Variants in PCNX1 observed in about 807,000 individuals in gnomAD.
The protein encoded by PCNX1 is pecanex 1, also known as pecanex-like protein 1.
A neutral mutation model predicts 242.2 loss-of-function variants in PCNX1; 78 were observed. That is an observed-to-expected ratio of 0.32 (90% CI 0.27 to 0.39). PCNX1 has a LOEUF of 0.39. Ranked by LOEUF, PCNX1 falls within the 10% of genes least tolerant of loss-of-function variation. The pLI is 1.00. For synonymous variants in PCNX1, 1,024 were observed against 1,032.9 expected, an observed-to-expected ratio of 0.99 and a Z score of 0.17; for missense variants, 2,581 against 2,856.5, an observed-to-expected ratio of 0.90 and a Z score of 2.20.
intron 28 of PCNX1, among the ~76,000 whole-genome samples, chr14:71,082,785 G>T (rs1324045339): frequency 6.6e-6 from 1 of 152,090 alleles, no homozygotes; most frequent in Non-Finnish European, 1.5e-5. Context: ...ACACCGATGA[G>T]TCTTGGCTCT....
At chr14:71,054,467 G>A (rs979723228) in intron 24 of PCNX1, among the ~76,000 whole-genome samples, 12 of 152,184 alleles carry the variant, frequency 7.9e-5, no homozygotes, top group African/African-American at 2.4e-4. Flanking sequence ...GTAGATAGGA[G>A]TTTCCCAAAT....
intron 8 of PCNX1, among the ~76,000 whole-genome samples, chr14:71,003,010 A>G (rs560148879): frequency 6.6e-6 from 1 of 151,080 alleles, no homozygotes; most frequent in African/African-American, 2.4e-5. Flanking sequence ...GGCCACATAC[A>G]TATATATCTT....
intron 1 of PCNX1, among the ~76,000 whole-genome samples, chr14:70,930,850 T>C (rs2056769801): frequency 6.6e-6 from 1 of 152,034 alleles, no homozygotes; most frequent in African/African-American, 2.4e-5. Context: ...CCTCTGCAGC[T>C]CCATCCTCTG....
chr14:70,991,776 C>A (rs758782794), intron 7 of PCNX1, among the ~76,000 whole-genome samples: 1 of 152,090 alleles, frequency 6.6e-6, no homozygotes, highest in Non-Finnish European at 1.5e-5. Context: ...GAATAGTAAT[C>A]TCGTCTTTAA....
rs1158933693 is a variant in PCNX1, at chr14:71,053,261, TTTTTC to T, written c.4577+1264_4577+1268del. ...ATTTAGAACCCCTTTATACTCTTTT[TTTTTC>T]TTTTCTTTTCTTTTTCTTTTTTTGA... is the stretch of plus-strand genomic sequence containing the variant. On this transcript the variant is annotated intron_variant, in intron 24 of 35. Transcript: ENST00000304743. 1.5e-5 allele frequency: 7 copies of T among 452,998 alleles called. No individual in the cohort carries two copies. The East Asian group carries it at 2.8e-4, about 18-fold the overall frequency. The allele number at this position is 452,998 out of a possible 1,614,324, so 28.1% of individuals were successfully genotyped here.
intron 1 of PCNX1, among the ~76,000 whole-genome samples, chr14:70,918,831 T>TGA (rs941723609): frequency 3.3e-5 from 5 of 152,216 alleles, no homozygotes; most frequent in African/African-American, 9.6e-5. Flanking sequence ...AACAGGGTGT[T>TGA]ACTGTTATCA....
At chr14:71,081,765 A>G in intron 28 of PCNX1, among the ~76,000 whole-genome samples, 1 of 151,854 alleles carries the variant, frequency 6.6e-6, no homozygotes, top group East Asian at 1.9e-4. Context: ...TTTCTTCTTT[A>G]TTAATCTAAC....
rs565831632 is a variant in PCNX1, at chr14:71,108,597, C to T, written c.6302-7C>T. On this transcript the variant is annotated splice_polypyrimidine_tract_variant and splice_region_variant and intron_variant, in intron 33 of 35. Transcript: ENST00000304743. ...CTTTGAGTGAGTGCTGCTGTTTCTC[C>T]TCCTAGGCACTAGCCACAGCTCTCA... The T allele has an allele frequency of 1.9e-5, 30 of 1,595,710 alleles. No individual in the cohort carries two copies. The East Asian group carries it at 5.6e-4, about 30-fold the overall frequency.
rs556085616 is a variant in PCNX1, at chr14:70,912,687, A to G, written c.153+4684A>G. On this transcript the variant is annotated intron_variant, in intron 1 of 35. Coordinates refer to ENST00000304743, the MANE Select transcript of PCNX1 (RefSeq NM_014982.3). ...AGAGGAAAAGACATAAATCTGTGTC[A>G]TTCTTTTAAATATTCTTTAAAGATT... Among the ~76,000 whole-genome samples the G allele has an allele frequency of 3.9e-5, 6 of 152,208 alleles. No homozygotes were observed. The South Asian group carries it at 1.0e-3, about 26-fold the overall frequency.
At chr14:71,080,073 T>G (rs1033406433) in intron 28 of PCNX1, among the ~76,000 whole-genome samples, 3 of 152,216 alleles carry the variant, frequency 2.0e-5, no homozygotes, top group African/African-American at 7.2e-5. Flanking sequence ...GGGGTCCAGT[T>G]TCAGTTTTCT....
chr14:71,025,217 T>C (rs142017060), intron 13 of PCNX1, among the ~76,000 whole-genome samples: 2,160 of 152,342 alleles, frequency 0.014, 24 homozygotes, highest in Middle Eastern at 0.034. Flanking sequence ...TTTTATTCAA[T>C]GGACTATAAT....
intron 5 of PCNX1, chr14:70,970,140 G>T (rs542594004): frequency 1.3e-5 from 2 of 152,198 alleles, no homozygotes; most frequent in South Asian, 4.2e-4. Context: ...CAGGAGGATC[G>T]CTTGAGTCCA....
intron 8 of PCNX1, among the ~76,000 whole-genome samples, chr14:71,006,408 C>CT (rs1204855831): frequency 6.6e-6 from 1 of 151,304 alleles, no homozygotes; most frequent in African/African-American, 2.4e-5. Context: ...TTTTTTTCTC[C>CT]TTAAGTCATG....
intron 2 of PCNX1, among the ~76,000 whole-genome samples, chr14:70,948,896 C>T (rs2057593817): frequency 6.8e-6 from 1 of 146,376 alleles, no homozygotes; most frequent in Non-Finnish European, 1.5e-5. Context: ...TATATACACA[C>T]ATACGTGTAT....
intron 6 of PCNX1, among the ~76,000 whole-genome samples, chr14:70,987,293 AC>A (rs1490735758): frequency 2.0e-5 from 3 of 152,220 alleles, no homozygotes; most frequent in Non-Finnish European, 4.4e-5. Context: ...AGTAATGGTA[AC>A]CACTAGCTAC....
At chr14:71,086,294 G>T (rs1194686151) in intron 28 of PCNX1, among the ~76,000 whole-genome samples, 3 of 152,174 alleles carry the variant, frequency 2.0e-5, no homozygotes, top group Non-Finnish European at 2.9e-5. Context: ...ATCAATGTCA[G>T]TTGTGGGTCA....
At chr14:71,000,818 G>A (rs2059484125) in intron 8 of PCNX1, among the ~76,000 whole-genome samples, 1 of 152,248 alleles carries the variant, frequency 6.6e-6, no homozygotes, top group African/African-American at 2.4e-5. Flanking sequence ...GAGCCACCAT[G>A]CCCGGCCTCT....
intron 7 of PCNX1, among the ~76,000 whole-genome samples, chr14:70,990,336 C>T (rs557717129): frequency 2.0e-5 from 3 of 151,684 alleles, no homozygotes; most frequent in South Asian, 2.1e-4. Context: ...CTGAGGTGGG[C>T]GGATCACCTG....
chr14:70,995,219 T>G (rs1447746778), intron 7 of PCNX1, among the ~76,000 whole-genome samples: 1 of 152,230 alleles, frequency 6.6e-6, no homozygotes, highest in African/African-American at 2.4e-5. Context: ...TCTTTTTGAT[T>G]CAAGATTGTT....
Sources: gnomAD v4.1 joint callset for allele counts (sites outside exome capture counted in the v4.1 genomes callset) on GRCh38, gnomAD v4.1.1 for gene constraint, MANE v1.5 for transcripts, NCBI Gene and HGNC (gene_info 2026-07-23, HGNC 2026-07-21) for gene names.